The following EXTL3 variants were observed in gnomAD, a reference collection of about 807,000 sequenced individuals.
EXTL3 encodes exostosin-like 3.
EXTL3 carries 27 observed loss-of-function variants against 69.3 expected under a neutral mutation model. The ratio of observed to expected loss-of-function variants is 0.39; its 90% CI spans 0.29 to 0.54. The LOEUF (loss-of-function observed/expected upper bound fraction) is 0.54, where lower values mean the gene tolerates loss of function less well. EXTL3 is among the 20% of genes least tolerant of loss of function. The pLI, the probability that EXTL3 is intolerant of heterozygous loss-of-function variation, is 0.69. For synonymous variants in EXTL3, 511 were observed against 499.4 expected (o/e 1.02, Z -0.31); for missense variants, 1,003 against 1,231.8 (o/e 0.81, Z 2.78).
At chr8:28,749,300 C>A (rs1801954343) in intron 6 of EXTL3, among the ~76,000 whole-genome samples, 1 of 152,096 alleles carries the variant, frequency 6.6e-6, no homozygotes. Context: ...AAAAAAGCAA[C>A]AAATCACTCC....
rs1585274074 is a variant in EXTL3, at chr8:28,717,185, G to A, written c.1126G>A (p.Asp376Asn). The A allele has an allele frequency of 6.2e-7, 1 of 1,614,242 alleles. No individual in the cohort carries two copies. Among genetic ancestry groups the A allele is most frequent in the Non-Finnish European group, 8.5e-7 (1 of 1,180,050 alleles). Residue 376 changes from aspartate to asparagine, a missense_variant, in exon 3 of 7, where the codon GAT (aspartate) becomes AAT (asparagine). Coordinates refer to ENST00000220562, the MANE Select transcript of EXTL3 (RefSeq NM_001440.4). The surrounding 1 kb of genome is among the most constrained non-coding windows in gnomAD (Gnocchi z 8.3). ...GGAGGGCGACCCTCCCGCCGACTAC[G>A]ATGACCGGATCATTGCCACCCTGAA... ...EMEGDPPADY[D>N]DRIIATLKAV... is the part of the protein sequence containing the mutation.
intron 3 of EXTL3, among the ~76,000 whole-genome samples, chr8:28,730,836 G>A (rs60524027): frequency 2.7e-3 from 412 of 152,216 alleles, no homozygotes; most frequent in African/African-American, 9.4e-3. Context: ...TTTCTGAGTT[G>A]GGTTTTAAAA....
At chr8:28,629,713 A>C (rs537671194) in intron 1 of EXTL3, among the ~76,000 whole-genome samples, 5 of 152,090 alleles carry the variant, frequency 3.3e-5, no homozygotes, top group African/African-American at 1.2e-4. Flanking sequence ...TCCAATTCGG[A>C]TGTGTGTCTA....
At chr8:28,637,157 TC>T (rs1303315101) in intron 1 of EXTL3, 1 of 152,216 alleles carries the variant, frequency 6.6e-6, no homozygotes, top group Non-Finnish European at 1.5e-5. Context: ...TATAAATCAG[TC>T]GTTTTATTGT....
intron 2 of EXTL3, among the ~76,000 whole-genome samples, chr8:28,617,304 A>C (rs1806342713): frequency 6.6e-6 from 1 of 152,192 alleles, no homozygotes; most frequent in Non-Finnish European, 1.5e-5. Context: ...TGGAAATAAG[A>C]TCTTATGTGG....
chr8:28,747,686 CAT>C (rs776403782), intron 6 of EXTL3, among the ~76,000 whole-genome samples: 31 of 150,878 alleles, frequency 2.1e-4, no homozygotes, highest in Non-Finnish European at 3.2e-4. Flanking sequence ...TATATATACA[CAT>C]ATGTGTGTAA....
intron 1 of EXTL3, among the ~76,000 whole-genome samples, chr8:28,651,964 A>G (rs1379115224): frequency 6.6e-6 from 1 of 152,104 alleles, no homozygotes; most frequent in East Asian, 1.9e-4. Context: ...GCATGTCTTC[A>G]AGGTCCATCC....
At chr8:28,639,523 G>A (rs543870460) in intron 1 of EXTL3, among the ~76,000 whole-genome samples, 2 of 152,152 alleles carry the variant, frequency 1.3e-5, no homozygotes, top group Non-Finnish European at 2.9e-5. Flanking sequence ...TCCGTGTTAC[G>A]TTTTCTGAAA....
intron 1 of EXTL3, among the ~76,000 whole-genome samples, chr8:28,666,805 C>T (rs1268030280): frequency 6.6e-6 from 1 of 152,116 alleles, no homozygotes; most frequent in African/African-American, 2.4e-5. Flanking sequence ...GAACTCCTGA[C>T]CTCAGGTGAT....
intron 2 of EXTL3, among the ~76,000 whole-genome samples, chr8:28,614,846 G>T (rs1010849699): frequency 6.6e-6 from 1 of 152,192 alleles, no homozygotes; most frequent in African/African-American, 2.4e-5. Context: ...TACATGTGCA[G>T]GATATGCATG....
rs1363448301 is a variant in EXTL3 at position 28,670,968 on chromosome 8, CT to C, written c.-52-42488del. 2.2e-4 allele frequency among the ~76,000 whole-genome samples: 13 copies of C among 58,600 alleles called. No individual in the cohort carries two copies. In the East Asian group the frequency reaches 4.8e-3, roughly 22 times the overall value. 38.4% of individuals were successfully genotyped at this position (58,600 alleles called of 152,430 possible). On this transcript the variant is annotated intron_variant, in intron 1 of 6. Coordinates refer to the EXTL3 transcript ENST00000523149. The stretch of plus-strand genomic sequence containing the variant: ...CCCTTTCCTGATAGCACCATAGCTT[CT>C]GTTTTTTTTTTTTAATTAATTTATT...
At chr8:28,638,362 G>A (rs996537509) in intron 1 of EXTL3, among the ~76,000 whole-genome samples, 2 of 152,182 alleles carry the variant, frequency 1.3e-5, no homozygotes, top group African/African-American at 4.8e-5. Flanking sequence ...CAAAGGAAAT[G>A]CATTATTTCA....
intron 3 of EXTL3, among the ~76,000 whole-genome samples, chr8:28,718,790 G>T (rs2130744085): frequency 6.6e-6 from 1 of 152,322 alleles, no homozygotes; most frequent in African/African-American, 2.4e-5. Flanking sequence ...TGGAGTTGGG[G>T]TTTGATATTT....
chr8:28,691,127 T>C (rs961916030), intron 1 of EXTL3, among the ~76,000 whole-genome samples: 1 of 152,196 alleles, frequency 6.6e-6, no homozygotes, highest in African/African-American at 2.4e-5. Context: ...AATTAGTATA[T>C]TTCAGTGTTT....
In EXTL3 at chr8:28,716,215, C is replaced by T. The variant is rs1291934011; in HGVS notation, c.156C>T (p.Thr52=). The T allele has an allele frequency of 6.2e-7, 1 of 1,614,102 alleles. No homozygotes were observed. The highest frequency in any genetic ancestry group is 8.5e-7 in the Non-Finnish European group (1 of 1,180,036). Residue 52 remains threonine, a synonymous_variant, in exon 3 of 7, where the codon ACC becomes ACT. Transcript: ENST00000220562. This position sits in a 1 kb window ranked among gnomAD's most constrained non-coding sequence, Gnocchi z 7.1. The stretch of plus-strand genomic sequence containing the variant: ...CGCTCATCGCCCACTATTACCTCAC[C>T]ACTCTGGATGAGGCTGATGAGGCAG... The part of the protein sequence containing the change: ...FFPLIAHYYL[T]TLDEADEAGK...
At chr8:28,703,828 T>G (rs1026993018) in intron 1 of EXTL3, among the ~76,000 whole-genome samples, 3 of 152,234 alleles carry the variant, frequency 2.0e-5, no homozygotes, top group Non-Finnish European at 4.4e-5. Flanking sequence ...AAACTTCTAT[T>G]AACATATTTC....
intron 1 of EXTL3, among the ~76,000 whole-genome samples, chr8:28,642,486 C>G (rs1273303377): frequency 2.0e-5 from 3 of 150,364 alleles, no homozygotes; most frequent in Non-Finnish European, 4.4e-5. Context: ...GGTGTGGTAG[C>G]TCATACCTGT....
chr8:28,734,454 G>C (rs1394106894), intron 4 of EXTL3, among the ~76,000 whole-genome samples: 1 of 152,196 alleles, frequency 6.6e-6, no homozygotes, highest in Non-Finnish European at 1.5e-5. Context: ...GCTTACACCT[G>C]TAATCCCAGC....
chr8:28,621,208 G>C (rs1172103098), upstream of EXTL3, among the ~76,000 whole-genome samples: 4 of 152,132 alleles, frequency 2.6e-5, no homozygotes, highest in Non-Finnish European at 4.4e-5. Context: ...TTGGAAATCA[G>C]ATGATTGCAG....
Sources: allele counts gnomAD v4.1 joint callset (sites outside exome capture counted in the v4.1 genomes callset), GRCh38; gene constraint gnomAD v4.1.1; non-coding constraint Gnocchi (gnomAD v3.1); transcripts MANE v1.5; gene names NCBI Gene and HGNC (gene_info 2026-07-23, HGNC 2026-07-21).